HMBOX1: variants seen among roughly 807,000 people sequenced by gnomAD.
The protein encoded by HMBOX1 is homeobox-containing protein 1.
A neutral mutation model predicts 54.5 loss-of-function variants in HMBOX1; 14 were observed. The ratio of observed to expected loss-of-function variants is 0.26; its 90% CI spans 0.17 to 0.40. HMBOX1 has a LOEUF of 0.40. HMBOX1 is among the 10% of genes least tolerant of loss of function. The pLI is 1.00. For missense variants in HMBOX1, 332 were observed against 514.4 expected (o/e 0.65, Z 3.43); for synonymous variants, 160 against 181.0 (o/e 0.88, Z 0.93).
At chr8:28,965,989 T>C (rs973503482) in intron 2 of HMBOX1, among the ~76,000 whole-genome samples, 2 of 152,036 alleles carry the variant, frequency 1.3e-5, no homozygotes, top group African/African-American at 4.8e-5. Flanking sequence ...TTCTAGATAA[T>C]AAAAATAAAG....
At chr8:29,029,661 C>T (rs1001829886) in intron 6 of HMBOX1, among the ~76,000 whole-genome samples, 10 of 152,314 alleles carry the variant, frequency 6.6e-5, no homozygotes, top group African/African-American at 2.4e-4. Context: ...AACTTGGTTA[C>T]ATTCACAGAA....
intron 6 of HMBOX1, among the ~76,000 whole-genome samples, chr8:29,034,122 T>A (rs1803453191): frequency 6.6e-6 from 1 of 152,194 alleles, no homozygotes; most frequent in African/African-American, 2.4e-5. Context: ...ATATATGTGT[T>A]TGGTGTTTGA....
At chr8:28,998,466 T>G (rs1374643005) in intron 4 of HMBOX1, among the ~76,000 whole-genome samples, 1 of 152,158 alleles carries the variant, frequency 6.6e-6, no homozygotes, top group African/African-American at 2.4e-5. Flanking sequence ...TAACTGTCAC[T>G]CAAGTTCTCA....
chr8:29,007,809 A>G (rs1034864555), intron 4 of HMBOX1, among the ~76,000 whole-genome samples: 19 of 152,192 alleles, frequency 1.2e-4, no homozygotes, highest in Non-Finnish European at 2.4e-4. Context: ...ACCTTTCTCA[A>G]AAAAGAAAAA....
Position 28,970,853 on chromosome 8 carries a change from A to G in HMBOX1, c.500+334A>G, listed in dbSNP as rs1022541968. 1.3e-5 allele frequency among the ~76,000 whole-genome samples: 2 copies of G among 152,018 alleles called. No homozygotes were observed. The highest frequency in any genetic ancestry group is 4.8e-5 in the African/African-American group (2 of 41,388). On this transcript the variant is annotated intron_variant, in intron 3 of 9. Coordinates refer to ENST00000287701, the MANE Select transcript of HMBOX1 (RefSeq NM_001135726.3). The surrounding 1 kb of genome is among the most constrained non-coding windows in gnomAD (Gnocchi z 4.3). ...TTCTAATCCTTAAAAATCTGTTGTA[A>G]GTACTTTTTCTGAGGGATAATTTTA...
At chr8:28,995,708 G>A (rs1190179317) in intron 4 of HMBOX1, among the ~76,000 whole-genome samples, 1 of 152,182 alleles carries the variant, frequency 6.6e-6, no homozygotes, top group African/African-American at 2.4e-5. Context: ...TTGATTTGCT[G>A]TAGTTTTGAT....
At chr8:28,984,176 T>C (rs1586275228) in intron 4 of HMBOX1, among the ~76,000 whole-genome samples, 1 of 152,226 alleles carries the variant, frequency 6.6e-6, no homozygotes, top group Non-Finnish European at 1.5e-5. Flanking sequence ...TTTCTGTCTT[T>C]AAACAAATTA....
At chr8:28,968,788 A>G (rs957909877) in intron 2 of HMBOX1, among the ~76,000 whole-genome samples, 2 of 152,224 alleles carry the variant, frequency 1.3e-5, no homozygotes, top group African/African-American at 4.8e-5. Context: ...ACTGCATGCC[A>G]TGCATTATAT....
chr8:28,940,545 T>A (rs1821204381), intron 1 of HMBOX1, among the ~76,000 whole-genome samples: 1 of 152,250 alleles, frequency 6.6e-6, no homozygotes, highest in Admixed American at 6.5e-5. Context: ...TATGTTCTTT[T>A]TCTCTGTTAT....
intron 1 of HMBOX1, among the ~76,000 whole-genome samples, chr8:28,914,636 A>G (rs1437454350): frequency 1.3e-5 from 2 of 152,240 alleles, no homozygotes; most frequent in African/African-American, 4.8e-5. Context: ...CTAATGTGAC[A>G]TTGAAGCCTA....
intron 1 of HMBOX1, among the ~76,000 whole-genome samples, chr8:28,904,382 G>C (rs1053644460): frequency 6.6e-6 from 1 of 151,632 alleles, no homozygotes; most frequent in Non-Finnish European, 1.5e-5. Context: ...ACAGGTGTGC[G>C]CCACCATGCC....
At chr8:29,014,927 G>A (rs563534757) in intron 5 of HMBOX1, among the ~76,000 whole-genome samples, 232 of 152,268 alleles carry the variant, frequency 1.5e-3, no homozygotes, top group African/African-American at 5.4e-3. Context: ...TGTTCCGCCC[G>A]CCTCAGCCTC....
chr8:29,042,480 G>A (rs2129784), intron 6 of HMBOX1, among the ~76,000 whole-genome samples: 54,202 of 151,978 alleles, frequency 0.36, 9,878 homozygotes, highest in South Asian at 0.44. Flanking sequence ...GTAAGAGAGT[G>A]TAAAGTTTTC....
chr8:29,011,898 G>A (rs981330736), intron 5 of HMBOX1, among the ~76,000 whole-genome samples: 9 of 152,114 alleles, frequency 5.9e-5, no homozygotes, highest in African/African-American at 1.9e-4. Context: ...CTTTTAAGAC[G>A]TTCCTCTAAT....
chr8:28,942,226 CCTT>C (rs1402240362), intron 1 of HMBOX1, among the ~76,000 whole-genome samples: 1 of 152,190 alleles, frequency 6.6e-6, no homozygotes, highest in Non-Finnish European at 1.5e-5. Flanking sequence ...AGCGCAGTCT[CCTT>C]CTGCTCACCC....
intron 1 of HMBOX1, among the ~76,000 whole-genome samples, chr8:28,898,092 G>A (rs1025300174): frequency 5.3e-5 from 8 of 152,040 alleles, no homozygotes; most frequent in Non-Finnish European, 1.2e-4. Flanking sequence ...ATATACTATC[G>A]ATTATTACAG....
chr8:28,923,228 C>G (rs1185268252), intron 1 of HMBOX1, among the ~76,000 whole-genome samples: 2 of 152,146 alleles, frequency 1.3e-5, no homozygotes, highest in African/African-American at 4.8e-5. Flanking sequence ...CTTTCTGTTT[C>G]TATGGATTTG....
chr8:28,898,998 A>G (rs1392488383), intron 1 of HMBOX1, among the ~76,000 whole-genome samples: 1 of 152,212 alleles, frequency 6.6e-6, no homozygotes, highest in Non-Finnish European at 1.5e-5. Flanking sequence ...GCAGTGCGTG[A>G]TGAGGTACTT....
intron 3 of HMBOX1, among the ~76,000 whole-genome samples, chr8:28,978,786 CAAAAAAAAAAAA>C (rs36075812): frequency 1.0e-5 from 1 of 95,842 alleles, no homozygotes; most frequent in Non-Finnish European, 1.9e-5. Flanking sequence ...GACTCCGTCT[CAAAAAAAAAAAA>C]AAAAAAAAGA....
Sources: gnomAD v4.1 joint callset for allele counts (sites outside exome capture counted in the v4.1 genomes callset) on GRCh38, gnomAD v4.1.1 for gene constraint, Gnocchi (gnomAD v3.1) non-coding constraint, MANE v1.5 for transcripts, NCBI Gene and HGNC (gene_info 2026-07-23, HGNC 2026-07-21) for gene names.